The following TTC28 variants were observed in gnomAD, a reference collection of about 807,000 sequenced individuals.
TTC28 encodes tetratricopeptide repeat domain 28.
TTC28 carries 61 observed loss-of-function variants against 198.0 expected under a neutral mutation model. The observed-to-expected ratio is 0.31, with a 90% confidence interval of 0.25 to 0.38. TTC28 has a LOEUF of 0.38. Among genes scored for constraint, TTC28 ranks in the 10% least tolerant of loss-of-function variants. The pLI, the probability that TTC28 is intolerant of heterozygous loss-of-function variation, is 1.00. For synonymous variants in TTC28, 1,171 were observed against 1,297.8 expected, an observed-to-expected ratio of 0.90 and a Z score of 2.10; for missense variants, 2,678 against 3,164.0, an observed-to-expected ratio of 0.85 and a Z score of 3.69.
Position 28,096,210 on chromosome 22 carries a change from C to A in TTC28, c.3746G>T (p.Trp1249Leu). 6.5e-7 allele frequency: 1 copy of A among 1,548,838 alleles called. No individual in the cohort carries two copies. Among genetic ancestry groups the A allele is most frequent in the Non-Finnish European group, 8.7e-7 (1 of 1,145,068 alleles). Reference protein sequence around the residue: ...YSLAAGYLYSWLLAPGAGIVK... With the variant: ...YSLAAGYLYSLLLAPGAGIVK... ...CTTACCTGCCCCAGGAGCCAGCAGCCAGCTATACAGATAGCCTGCAGCCAG... is the reference window on the plus strand; with the variant it reads ...CTTACCTGCCCCAGGAGCCAGCAGCAAGCTATACAGATAGCCTGCAGCCAG... The change falls in exon 11 of 23, where the codon TGG (tryptophan) becomes TTG (leucine). Residue 1249 changes from tryptophan (W) to leucine (L), a missense_variant. Physicochemically the swap from Trp to Leu is moderately conservative, Grantham distance 61. This residue lies in a region of TTC28 where 727 missense variants were observed against 861.9 expected (regional missense o/e 0.84). Transcript: ENST00000397906.
intron 2 of TTC28, among the ~76,000 whole-genome samples, chr22:28,409,557 T>C (rs1353784122): frequency 6.7e-6 from 1 of 150,200 alleles, no homozygotes; most frequent in Non-Finnish European, 1.5e-5. Context: ...ATGTTATATG[T>C]GTTTATATGT....
chr22:28,105,221 C>T (rs1269830519), intron 8 of TTC28, 58 bp downstream of exon 8: 5 of 1,506,470 alleles, frequency 3.3e-6, no homozygotes, highest in Non-Finnish European at 4.5e-6. Context: ...GTCTTGAGTT[C>T]TGACTCTGAA....
At chr22:27,997,847 A>C (rs559386827) in intron 16 of TTC28, 1 of 152,412 alleles carries the variant, frequency 6.6e-6, no homozygotes, top group Admixed American at 6.5e-5. Context: ...CCTGCAAAGC[A>C]GAGTCCTCTG....
At chr22:28,209,789 T>C (rs1926749145) in intron 5 of TTC28, among the ~76,000 whole-genome samples, 1 of 152,204 alleles carries the variant, frequency 6.6e-6, no homozygotes, top group South Asian at 2.1e-4. Flanking sequence ...AAGAGAGTAG[T>C]GGTTCTCTCA....
At chr22:28,546,276 T>C (rs961097778) in intron 2 of TTC28, among the ~76,000 whole-genome samples, 3 of 152,040 alleles carry the variant, frequency 2.0e-5, no homozygotes, top group Non-Finnish European at 4.4e-5. Context: ...TGAGACCCCG[T>C]CTCTATTAAA....
chr22:28,226,569 G>T (rs1307575283), intron 5 of TTC28, among the ~76,000 whole-genome samples: 1 of 152,074 alleles, frequency 6.6e-6, no homozygotes, highest in African/African-American at 2.4e-5. Context: ...TGGGACTACA[G>T]GTGGGCGCTA....
At chr22:28,616,380 A>G (rs1387997075) in intron 2 of TTC28, among the ~76,000 whole-genome samples, 1 of 152,220 alleles carries the variant, frequency 6.6e-6, no homozygotes, top group African/African-American at 2.4e-5. Flanking sequence ...TTGTCATAAT[A>G]AGCATTCAAT....
intron 14 of TTC28, among the ~76,000 whole-genome samples, chr22:28,010,585 A>G (rs1429213065): frequency 6.6e-6 from 1 of 152,130 alleles, no homozygotes; most frequent in Non-Finnish European, 1.5e-5. Flanking sequence ...ACTGCCTTCA[A>G]CTGGCTCAGC....
At chr22:28,049,276 A>T (rs1036025063) in intron 12 of TTC28, among the ~76,000 whole-genome samples, 3 of 152,168 alleles carry the variant, frequency 2.0e-5, no homozygotes, top group African/African-American at 7.2e-5. Flanking sequence ...TTTAAATCCC[A>T]CCATACAGGT....
At chr22:28,304,039 A>G (rs2045082048) in intron 3 of TTC28, among the ~76,000 whole-genome samples, 1 of 152,146 alleles carries the variant, frequency 6.6e-6, no homozygotes, top group Non-Finnish European at 1.5e-5. Context: ...TAATCCCAGC[A>G]CTTTGGGAGG....
intron 1 of TTC28, among the ~76,000 whole-genome samples, chr22:28,641,492 T>C (rs548239080): frequency 5.3e-5 from 8 of 152,272 alleles, no homozygotes; most frequent in African/African-American, 1.9e-4. Flanking sequence ...AGATTGGTGG[T>C]TGTCAGAGGA....
chr22:28,462,079 A>C (rs1324560745), intron 2 of TTC28, among the ~76,000 whole-genome samples: 1 of 152,174 alleles, frequency 6.6e-6, no homozygotes, highest in African/African-American at 2.4e-5. Flanking sequence ...TTATCTTTTT[A>C]AGGTAGCAAC....
intron 2 of TTC28, among the ~76,000 whole-genome samples, chr22:28,307,479 C>G (rs2045168991): frequency 6.6e-6 from 1 of 152,042 alleles, no homozygotes; most frequent in Non-Finnish European, 1.5e-5. Context: ...GTGGCGCAAT[C>G]CTAGCTCACT....
At chr22:28,088,475 A>T (rs1166661703) in intron 12 of TTC28, among the ~76,000 whole-genome samples, 1 of 152,192 alleles carries the variant, frequency 6.6e-6, no homozygotes, top group Non-Finnish European at 1.5e-5. Flanking sequence ...GAAAGCTGAA[A>T]CTGGATCCCT....
chr22:28,561,931 CCCTGACAAAATACATATT>C (rs1419011045), intron 2 of TTC28, among the ~76,000 whole-genome samples: 1 of 152,024 alleles, frequency 6.6e-6, no homozygotes, highest in Non-Finnish European at 1.5e-5. Context: ...AGTATGTTGG[CCCTGACAAAATACATATT>C]CCTTGAAGGC....
At chr22:28,427,725 G>A (rs578153126) in intron 2 of TTC28, among the ~76,000 whole-genome samples, 1 of 151,782 alleles carries the variant, frequency 6.6e-6, no homozygotes, top group African/African-American at 2.4e-5. Flanking sequence ...AAAAACAAAG[G>A]TATGTTAAGA....
chr22:28,148,069 C>CTTTT (rs1441930274), intron 6 of TTC28, among the ~76,000 whole-genome samples: 17 of 152,096 alleles, frequency 1.1e-4, no homozygotes, highest in African/African-American at 4.1e-4. Context: ...TCATTTTAGT[C>CTTTT]ATGCTTTGTA....
intron 12 of TTC28, among the ~76,000 whole-genome samples, chr22:28,093,749 CA>C (rs1941886795): frequency 6.6e-6 from 1 of 152,030 alleles, no homozygotes; most frequent in African/African-American, 2.4e-5. Context: ...TTGTTTATAA[CA>C]AAAAATAATC....
chr22:28,141,019 G>A (rs1387546036), intron 6 of TTC28, among the ~76,000 whole-genome samples: 3 of 152,104 alleles, frequency 2.0e-5, no homozygotes, highest in Non-Finnish European at 4.4e-5. Context: ...AATACAAGCA[G>A]GTTTTATTAA....
Sources: gnomAD v4.1 joint callset for allele counts (sites outside exome capture counted in the v4.1 genomes callset) on GRCh38, gnomAD v4.1.1 for gene constraint, gnomAD v4.1.1 regional missense constraint, MANE v1.5 for transcripts, NCBI Gene and HGNC (gene_info 2026-07-23, HGNC 2026-07-21) for gene names.